SLC47A1: variants seen among roughly 807,000 people sequenced by gnomAD.
SLC47A1 encodes the protein solute carrier family 47 member 1, also known as multidrug and toxin extrusion protein 1.
SLC47A1 carries 58 observed loss-of-function variants against 65.8 expected under a neutral mutation model. That is an observed-to-expected ratio of 0.88 (90% confidence interval 0.71 to 1.10). The LOEUF (loss-of-function observed/expected upper bound fraction) is 1.10. Ranked by LOEUF, SLC47A1 falls within the 50% of genes least tolerant of loss-of-function variation. The probability of loss-of-function intolerance (pLI) is 0.00; values close to 1 mark genes in which losing one functional copy is unlikely to be tolerated. For synonymous variants in SLC47A1, 285 were observed against 295.0 expected (o/e 0.97, Z 0.35); for missense variants, 706 against 719.2 (o/e 0.98, Z 0.21).
chr17:19,562,899 C>G (rs192149709), intron 12 of SLC47A1, among the ~76,000 whole-genome samples: 1 of 152,218 alleles, frequency 6.6e-6, no homozygotes, highest in Admixed American at 6.5e-5. Flanking sequence ...CTCTACCTAA[C>G]TTAATCACAG....
At position 19,567,224 on chromosome 17, in the gene SLC47A1, G is replaced by A; in HGVS notation, c.1305G>A (p.Val435=). The A allele has an allele frequency of 6.2e-7, 1 of 1,614,190 alleles. No homozygotes were observed. The highest frequency in any genetic ancestry group is 8.5e-7 in the Non-Finnish European group (1 of 1,180,028). Residue 435 remains valine (V), a synonymous_variant, in exon 14 of 17, where the codon GTG becomes GTA. Transcript: ENST00000270570. The stretch of plus-strand genomic sequence containing the variant: ...TGATGTTTGCAACCACACTTGGAGT[G>A]ATGGGTAAGCTCTAACCTCTGCAGG... ...IALMFATTLG[V]MGLWSGIIIC...
intron 6 of SLC47A1, among the ~76,000 whole-genome samples, chr17:19,553,873 G>C (rs1015707728): frequency 3.9e-5 from 6 of 152,284 alleles, no homozygotes; most frequent in Admixed American, 3.3e-4. Context: ...TGTCCTCTGT[G>C]TCATTTCAGA....
intron 12 of SLC47A1, among the ~76,000 whole-genome samples, chr17:19,561,468 C>A (rs527428147): frequency 4.2e-4 from 64 of 151,816 alleles, no homozygotes; most frequent in Middle Eastern, 3.4e-3. Flanking sequence ...ACGGTGAAAC[C>A]CCGTCTCTAC....
chr17:19,577,362 G>C lies in SLC47A1; in HGVS notation c.1522G>C (p.Asp508His). 1.2e-6 allele frequency: 2 copies of C among 1,614,116 alleles called. No homozygotes were observed. Among genetic ancestry groups the C allele is most frequent in the Non-Finnish European group, 8.5e-7 (1 of 1,180,014 alleles). Residue 508 changes from aspartate (D) to histidine (H), a missense_variant, in exon 17 of 17, where the codon GAT (aspartate) becomes CAT (histidine). By Grantham distance (81) the Asp-to-His change is moderately conservative. Transcript: ENST00000270570. Reference protein sequence around the residue: ...PENLEGILTNDVGKTGEPQSD... With the variant: ...PENLEGILTNHVGKTGEPQSD... Reference sequence around the variant, plus strand: ...AAACCTTGAAGGAATTTTAACGAACGATGTTGGAAAGACAGGCGAGCCTCA... The same window carrying C: ...AAACCTTGAAGGAATTTTAACGAACCATGTTGGAAAGACAGGCGAGCCTCA...
chr17:19,553,225 AG>A (rs1379345434), intron 6 of SLC47A1, among the ~76,000 whole-genome samples: 1 of 152,014 alleles, frequency 6.6e-6, no homozygotes, highest in African/African-American at 2.4e-5. Context: ...TATCGGGGGA[AG>A]GGAGACTTTC....
chr17:19,560,429 G>A lies in SLC47A1; in HGVS notation c.1042G>A (p.Val348Ile), dbSNP rs1450109582. The A allele has an allele frequency of 5.0e-6, 8 of 1,614,048 alleles. No individual in the cohort carries two copies. The South Asian group carries it at 5.5e-5, about 11-fold the overall frequency. Reference sequence around the variant, plus strand: ...GTTTTTACCTTCAGTGCTCTTTGCTGTAGCCTTCAGTGTCCTGCTGTTAAG... The same window carrying A: ...GTTTTTACCTTCAGTGCTCTTTGCTATAGCCTTCAGTGTCCTGCTGTTAAG... ...VSLLITVLFA[V>I]AFSVLLLSCK... Residue 348 changes from valine (V) to isoleucine (I), a missense_variant, in exon 12 of 17, where the codon GTA becomes ATA. By Grantham distance (29) the Val-to-Ile change is conservative. Transcript: ENST00000270570.
rs139394521 is a variant in SLC47A1, at chr17:19,578,022, A to T, written c.*469A>T. 5 of 1,238,356 alleles carry T rather than the reference A, an allele frequency of 4.0e-6. No individual in the cohort carries two copies. The African/African-American group carries it at 6.2e-5, about 15-fold the overall frequency. 76.7% of individuals were successfully genotyped at this position (1,238,356 alleles called of 1,614,324 possible). A position where few individuals can be genotyped will look rare whatever the true frequency, so the allele number is the denominator to read the frequency against. ...TAATAGACGGAAGTCTTGCTCTGTC[A>T]TGCAGGCTGGAGTGCGGTGGTGCGA... On this transcript the variant is annotated 3_prime_UTR_variant, in exon 17 of 17. Transcript: ENST00000270570.
At chr17:19,534,192 C>A in intron 1 of SLC47A1, 118 bp downstream of exon 1, 2 of 1,295,388 alleles carry the variant, frequency 1.5e-6, no homozygotes, top group Non-Finnish European at 2.0e-6. Context: ...CGCCGGCGGG[C>A]TCCGGGGAGC....
At chr17:19,569,520 G>A (rs903786211) in intron 14 of SLC47A1, among the ~76,000 whole-genome samples, 1 of 152,294 alleles carries the variant, frequency 6.6e-6, no homozygotes, top group East Asian at 1.9e-4. Flanking sequence ...ATTGTGGTAC[G>A]AATTGGTTTT....
At chr17:19,553,545 C>CTT (rs144325967) in intron 6 of SLC47A1, among the ~76,000 whole-genome samples, 71 of 133,608 alleles carry the variant, frequency 5.3e-4, no homozygotes, top group African/African-American at 1.8e-3. Flanking sequence ...TTCTTTCTTC[C>CTT]TTTTTTTTTT....
At chr17:19,549,313 C>T (rs1034567457) in intron 4 of SLC47A1, among the ~76,000 whole-genome samples, 5 of 151,958 alleles carry the variant, frequency 3.3e-5, no homozygotes, top group Non-Finnish European at 5.9e-5. Flanking sequence ...ATTCTCCTGC[C>T]GCAGCCTCCC....
chr17:19,555,201 C>A lies in SLC47A1; in HGVS notation c.544-11C>A. 1 of 1,613,658 alleles carries A rather than the reference C, an allele frequency of 6.2e-7. No individual in the cohort carries two copies. Among genetic ancestry groups the A allele is most frequent in the South Asian group, 1.1e-5 (1 of 91,072 alleles). On this transcript the variant is annotated splice_polypyrimidine_tract_variant and intron_variant, in intron 6 of 16. Transcript: ENST00000270570. ...GGATCTCAAGGATGGCATGCGGTGT[C>A]CTTTTTCCAGGGAATTGTACTGCCC...
At chr17:19,566,577 C>T (rs1160684489) in intron 12 of SLC47A1, among the ~76,000 whole-genome samples, 1 of 152,118 alleles carries the variant, frequency 6.6e-6, no homozygotes, top group Non-Finnish European at 1.5e-5. Flanking sequence ...AGGTACCCAC[C>T]ACCAGGCCTG....
chr17:19,551,403 A>G, intron 5 of SLC47A1, 21 bp from the exon 6 acceptor site: 1 of 1,587,286 alleles, frequency 6.3e-7, no homozygotes, highest in Non-Finnish European at 8.7e-7. Context: ...ATTAACATTC[A>G]TCTCTCTTGT....
intron 4 of SLC47A1, among the ~76,000 whole-genome samples, chr17:19,549,019 G>T (rs1916370545): frequency 6.6e-6 from 1 of 152,138 alleles, no homozygotes; most frequent in South Asian, 2.1e-4. Context: ...TAGAAGGCAG[G>T]AGGCTGTGGA....
Position 19,546,464 on chromosome 17 carries a change from A to T in SLC47A1, c.267A>T (p.Gly89=). 11 of 1,613,698 alleles carry T rather than the reference A, an allele frequency of 6.8e-6. No individual in the cohort carries two copies. Among genetic ancestry groups the T allele is most frequent in the Non-Finnish European group, 9.3e-6 (11 of 1,179,986 alleles). The change falls in exon 3 of 17, where the codon GGA becomes GGT. Residue 89 remains glycine (G), a synonymous_variant. Transcript: ENST00000270570. The part of the protein sequence containing the change: ...AVINVTGVSV[G]FGLSSACDTL... ...TCAATGTCACTGGTGTCTCAGTGGG[A>T]TTCGGCTTATCTTCTGCCTGTGACA...
chr17:19,543,297 A>T (rs1156744488), intron 2 of SLC47A1, among the ~76,000 whole-genome samples: 1 of 151,626 alleles, frequency 6.6e-6, no homozygotes, highest in Non-Finnish European at 1.5e-5. Context: ...TTTAGTAGAG[A>T]CGGGGTTTCA....
At chr17:19,576,377 G>A (rs545323682) in intron 16 of SLC47A1, among the ~76,000 whole-genome samples, 1 of 141,038 alleles carries the variant, frequency 7.1e-6, no homozygotes, top group East Asian at 2.0e-4. Flanking sequence ...TTTGACACTG[G>A]GTCTCTCTCT....
intron 15 of SLC47A1, among the ~76,000 whole-genome samples, chr17:19,572,577 C>A (rs2084408810): frequency 6.6e-6 from 1 of 152,128 alleles, no homozygotes; most frequent in South Asian, 2.1e-4. Context: ...TCTCCTCAGC[C>A]CCCCAAAGTG....
Sources: allele counts gnomAD v4.1 joint callset (sites outside exome capture counted in the v4.1 genomes callset), GRCh38; gene constraint gnomAD v4.1.1; transcripts MANE v1.5; gene names NCBI Gene and HGNC (gene_info 2026-07-23, HGNC 2026-07-21).